The following IL7 variants were observed in gnomAD, a reference collection of about 807,000 sequenced individuals.
IL7 encodes the protein interleukin-7.
IL7 carries 3 observed loss-of-function variants against 21.6 expected under a neutral mutation model. The ratio of observed to expected loss-of-function variants is 0.14; its 90% CI spans 0.06 to 0.36. The LOEUF is 0.36. Among genes scored for constraint, IL7 ranks in the 10% least tolerant of loss-of-function variants. IL7 has a pLI of 1.00. For synonymous variants in IL7, 62 were observed against 68.1 expected (o/e 0.91, Z 0.44); for missense variants, 175 against 200.2 (o/e 0.87, Z 0.76).
At chr8:78,804,396 AG>A (rs926730497) in intron 1 of IL7, among the ~76,000 whole-genome samples, 1 of 152,138 alleles carries the variant, frequency 6.6e-6, no homozygotes, top group Non-Finnish European at 1.5e-5. Flanking sequence ...AGTCTTACTC[AG>A]GGGGGAAAAA....
chr8:78,735,142 C>T (rs532491664), intron 5 of IL7, among the ~76,000 whole-genome samples: 56 of 152,102 alleles, frequency 3.7e-4, no homozygotes, highest in Middle Eastern at 3.4e-3. Flanking sequence ...TTTGCCTAAG[C>T]AGATTTGAAA....
At chr8:78,770,229 G>A (rs1291423128) in intron 2 of IL7, among the ~76,000 whole-genome samples, 1 of 152,104 alleles carries the variant, frequency 6.6e-6, no homozygotes, top group Non-Finnish European at 1.5e-5. Flanking sequence ...ACCCTTGCTG[G>A]CCTATCTGTG....
intron 5 of IL7, chr8:78,720,909 A>G (rs764159129): frequency 6.6e-6 from 1 of 151,842 alleles, no homozygotes; most frequent in Admixed American, 6.6e-5. Flanking sequence ...CCAATCGTCT[A>G]TTCTAATTTA....
chr8:78,685,171 A>C (rs1809926125), intron 4 of IL7, among the ~76,000 whole-genome samples: 1 of 152,216 alleles, frequency 6.6e-6, no homozygotes, highest in Non-Finnish European at 1.5e-5. Context: ...AAAGGAATTT[A>C]GTGATTATAC....
At chr8:78,757,925 C>A (rs1439992627) in intron 2 of IL7, among the ~76,000 whole-genome samples, 1 of 152,072 alleles carries the variant, frequency 6.6e-6, no homozygotes, top group Non-Finnish European at 1.5e-5. Context: ...GTGAATAAGT[C>A]TCATGAGATC....
At chr8:78,793,605 G>C (rs1033625676) in intron 2 of IL7, among the ~76,000 whole-genome samples, 3 of 152,134 alleles carry the variant, frequency 2.0e-5, no homozygotes, top group Non-Finnish European at 4.4e-5. Context: ...GGAGGGCCTT[G>C]CTTCAACGTT....
intron 2 of IL7, among the ~76,000 whole-genome samples, chr8:78,796,180 TAATC>T (rs1813847799): frequency 6.6e-6 from 1 of 152,020 alleles, no homozygotes; most frequent in African/African-American, 2.4e-5. Flanking sequence ...AAATTCCTAA[TAATC>T]AACAACAGAC....
At chr8:78,762,438 C>G in intron 2 of IL7, 1 of 1,578,352 alleles carries the variant, frequency 6.3e-7, no homozygotes, top group African/African-American at 1.4e-5. Context: ...GCATCGTCGC[C>G]CGCCCGCCGG....
intron 2 of IL7, among the ~76,000 whole-genome samples, chr8:78,767,937 CA>C (rs1402405417): frequency 6.6e-6 from 1 of 151,730 alleles, no homozygotes; most frequent in Non-Finnish European, 1.5e-5. Flanking sequence ...CACCTCACAA[CA>C]GTCCCCAGAG....
chr8:78,785,369 G>T (rs529377112), intron 2 of IL7, among the ~76,000 whole-genome samples: 9 of 152,006 alleles, frequency 5.9e-5, no homozygotes, highest in African/African-American at 1.7e-4. Flanking sequence ...GCAACTGTTT[G>T]GTATTTGTAT....
chr8:78,795,716 C>G (rs1813831381), intron 2 of IL7, among the ~76,000 whole-genome samples: 1 of 152,016 alleles, frequency 6.6e-6, no homozygotes, highest in South Asian at 2.1e-4. Context: ...GAAATATTAT[C>G]TTGACTCAAA....
rs201685645 is a variant in IL7, at chr8:78,736,129, T to C, written c.414+345A>G. Reference sequence around the variant, plus strand: ...TCTTTACAAACTAACAGGGATGGCTTTTTTTCTTCATGTATTTGTCATCTA... The same window carrying C: ...TCTTTACAAACTAACAGGGATGGCTCTTTTTCTTCATGTATTTGTCATCTA... On this transcript the variant is annotated intron_variant, in intron 5 of 5. Coordinates refer to ENST00000263851, the MANE Select transcript of IL7 (RefSeq NM_000880.4). Among the ~76,000 whole-genome samples, 27 of 151,498 alleles carry C rather than the reference T, an allele frequency of 1.8e-4. No individual in the cohort carries two copies. The East Asian group carries it at 5.2e-3, about 29-fold the overall frequency.
chr8:78,686,066 A>G (rs1302969260), intron 3 of IL7: 1 of 152,472 alleles, frequency 6.6e-6, no homozygotes, highest in African/African-American at 2.4e-5. Flanking sequence ...GGATAATGGC[A>G]TTAATCCATC....
At chr8:78,745,123 C>T (rs1811935829) in intron 2 of IL7, among the ~76,000 whole-genome samples, 1 of 152,198 alleles carries the variant, frequency 6.6e-6, no homozygotes, top group Non-Finnish European at 1.5e-5. Context: ...CTTCCCCACT[C>T]CTTTTCTTTC....
At chr8:78,791,699 C>T (rs1472948430) in intron 2 of IL7, among the ~76,000 whole-genome samples, 5 of 151,966 alleles carry the variant, frequency 3.3e-5, no homozygotes, top group Non-Finnish European at 7.4e-5. Context: ...AAATGATGAG[C>T]ATATCATCAA....
intron 2 of IL7, among the ~76,000 whole-genome samples, chr8:78,754,516 CT>C (rs1396708318): frequency 2.6e-5 from 4 of 152,130 alleles, no homozygotes; most frequent in Non-Finnish European, 5.9e-5. Context: ...CACTGAAATT[CT>C]TCACAGAGTT....
In IL7 at chr8:78,708,683, CT is replaced by C. The variant is rs1192881506; in HGVS notation, n.214+12664del. 9.1e-3 allele frequency among the ~76,000 whole-genome samples: 1,102 copies of C among 120,980 alleles called. 18 individuals are homozygous for C. Among genetic ancestry groups the C allele is most frequent in the African/African-American group, 0.026 (881 of 34,056 alleles). 79.4% of individuals were successfully genotyped at this position (120,980 alleles called of 152,430 possible). The stretch of plus-strand genomic sequence containing the variant: ...TAAAAGATGATTATCTTTTTTTTTT[CT>C]TTTTTTTTTTTTTGAGATGGAGTTT... On this transcript the variant is annotated intron_variant and non_coding_transcript_variant, in intron 3 of 4. Transcript: ENST00000523959.
At position 78,793,158 on chromosome 8, in the gene IL7, A is replaced by T. The variant is rs959595797; in HGVS notation, c.147+4914T>A. Among the ~76,000 whole-genome samples the T allele has an allele frequency of 1.3e-4, 20 of 152,164 alleles. No homozygotes were observed. The South Asian group carries it at 3.3e-3, about 25-fold the overall frequency. On this transcript the variant is annotated intron_variant, in intron 2 of 5. Coordinates refer to ENST00000263851, the MANE Select transcript of IL7 (RefSeq NM_000880.4). Reference sequence around the variant, plus strand: ...CATATCATCCATATGAATTATATACAAGACAGATGTGAAATGTCCAGAATA... The same window carrying T: ...CATATCATCCATATGAATTATATACTAGACAGATGTGAAATGTCCAGAATA...
At chr8:78,780,978 TATGTA>T (rs913868183) in intron 2 of IL7, among the ~76,000 whole-genome samples, 1 of 152,230 alleles carries the variant, frequency 6.6e-6, no homozygotes, top group African/African-American at 2.4e-5. Flanking sequence ...CCTTTACAAT[TATGTA>T]ATGCCTTTAT....
Sources: allele counts gnomAD v4.1 joint callset (sites outside exome capture counted in the v4.1 genomes callset), GRCh38; gene constraint gnomAD v4.1.1; transcripts MANE v1.5; gene names NCBI Gene and HGNC (gene_info 2026-07-23, HGNC 2026-07-21).